LYPLA1: variants seen among roughly 807,000 people sequenced by gnomAD.
LYPLA1 encodes lysophospholipase 1, also known as acyl-protein thioesterase 1.
LYPLA1 carries 17 observed loss-of-function variants against 34.0 expected under a neutral mutation model. The observed-to-expected ratio is 0.50, with a 90% CI of 0.34 to 0.75. The LOEUF (loss-of-function observed/expected upper bound fraction) is 0.75, where lower values mean the gene tolerates loss of function less well. LYPLA1 is among the 30% of genes least tolerant of loss of function. LYPLA1 has a pLI of 0.01. For synonymous variants in LYPLA1, 98 were observed against 100.8 expected (o/e 0.97, Z 0.17); for missense variants, 203 against 288.8 (o/e 0.70, Z 2.15).
At chr8:54,053,073 A>C in intron 6 of LYPLA1, 1 of 258,030 alleles carries the variant, frequency 3.9e-6, no homozygotes, top group East Asian at 7.1e-5. Flanking sequence ...ATAAAATCCA[A>C]TCTGCTCTTA....
intron 2 of LYPLA1, among the ~76,000 whole-genome samples, chr8:54,099,962 G>A (rs911969222): frequency 2.6e-5 from 4 of 152,072 alleles, no homozygotes; most frequent in Non-Finnish European, 4.4e-5. Context: ...GGGATTACAG[G>A]TGTGAGCCAC....
intron 3 of LYPLA1, 66 bp downstream of exon 3, chr8:54,065,682 G>C: frequency 8.2e-7 from 1 of 1,225,614 alleles, no homozygotes; most frequent in Non-Finnish European, 1.2e-6. Context: ...TTCTGGAAGG[G>C]TAAAGCAATC....
Position 54,101,858 on chromosome 8 carries a change from G to A in LYPLA1, c.-35C>T. The A allele has an allele frequency of 8.2e-7, 1 of 1,216,952 alleles. No individual in the cohort carries two copies. The highest frequency in any genetic ancestry group is 1.0e-6 in the Non-Finnish European group (1 of 964,948). The allele number at this position is 1,216,952 out of a possible 1,614,324, so 75.4% of individuals were successfully genotyped here. A position where few individuals can be genotyped will look rare whatever the true frequency, so the allele number is the denominator to read the frequency against. On this transcript the variant is annotated 5_prime_UTR_variant, in exon 1 of 9. Coordinates refer to ENST00000316963, the MANE Select transcript of LYPLA1 (RefSeq NM_006330.4). ...CAGCTCACAGCGCAAGCGGAAGGAA[G>A]AGCGGGCGCCCGGCCGCGGCCCAAG...
intron 6 of LYPLA1, chr8:54,052,960 C>T: frequency 4.1e-6 from 2 of 490,474 alleles, no homozygotes; most frequent in Non-Finnish European, 7.4e-6. Flanking sequence ...ATACAGACTT[C>T]CTTTCCGACG....
At chr8:54,077,177 C>T (rs761140642) in intron 2 of LYPLA1, among the ~76,000 whole-genome samples, 1 of 151,948 alleles carries the variant, frequency 6.6e-6, no homozygotes, top group African/African-American at 2.4e-5. Context: ...AAGAATGAGA[C>T]CATGTACTTT....
chr8:54,056,410 C>T (rs557669839), intron 5 of LYPLA1, among the ~76,000 whole-genome samples: 11 of 152,270 alleles, frequency 7.2e-5, no homozygotes, highest in Admixed American at 2.6e-4. Flanking sequence ...AAATACCCCA[C>T]AAGCATATCA....
intron 2 of LYPLA1, among the ~76,000 whole-genome samples, chr8:54,069,246 T>C (rs1675750285): frequency 6.6e-6 from 1 of 152,170 alleles, no homozygotes; most frequent in African/African-American, 2.4e-5. Flanking sequence ...GAAGAAAGGG[T>C]GTTGAATGTT....
At chr8:54,098,614 G>A (rs1196214441) in intron 2 of LYPLA1, among the ~76,000 whole-genome samples, 1 of 152,226 alleles carries the variant, frequency 6.6e-6, no homozygotes, top group Admixed American at 6.5e-5. Flanking sequence ...CCGAGTGGCA[G>A]AGGTTGAAGG....
chr8:54,097,267 T>C (rs543148973), intron 2 of LYPLA1, among the ~76,000 whole-genome samples: 4 of 152,164 alleles, frequency 2.6e-5, no homozygotes, highest in East Asian at 1.9e-4. Context: ...GCGCAATGAA[T>C]AGGACATATT....
chr8:54,064,776 T>G (rs148805293), intron 3 of LYPLA1, among the ~76,000 whole-genome samples: 2 of 152,104 alleles, frequency 1.3e-5, no homozygotes, highest in Admixed American at 1.3e-4. Context: ...CTGGGCTACA[T>G]TGGAAGAAGA....
chr8:54,051,164 C>T lies in LYPLA1; in HGVS notation c.487G>A (p.Asp163Asn), dbSNP rs781349155. The change falls in exon 8 of 9, where the codon GAT becomes AAT. Residue 163 changes from aspartate to asparagine, a missense_variant. Asp to Asn is a conservative substitution (Grantham distance 23). Coordinates refer to ENST00000316963, the MANE Select transcript of LYPLA1 (RefSeq NM_006330.4). ...PQGPIGGANR[D>N]ISILQCHGDC... ...CCGTGGCACTGGAGAATAGAAATAT[C>T]TCTATTAGCACCACCGATAGGACCC... The T allele has an allele frequency of 6.2e-7, 1 of 1,613,562 alleles. No individual in the cohort carries two copies. Among genetic ancestry groups the T allele is most frequent in the Admixed American group, 1.7e-5 (1 of 59,940 alleles).
At chr8:54,076,742 G>A (rs1807937554) in intron 2 of LYPLA1, among the ~76,000 whole-genome samples, 1 of 152,198 alleles carries the variant, frequency 6.6e-6, no homozygotes, top group South Asian at 2.1e-4. Flanking sequence ...TGCTCCTGCT[G>A]CAGTTAACTA....
At chr8:54,060,689 C>CTTTTTTTTTTTTTTTTTTTTTTTTTTTT (rs761596145) in intron 5 of LYPLA1, among the ~76,000 whole-genome samples, 1 of 123,484 alleles carries the variant, frequency 8.1e-6, no homozygotes. Flanking sequence ...TTTTTTCTTC[C>CTTTTTTTTTTTTTTTTTTTTTTTTTTTT]TTTTTTTTTT....
chr8:54,081,019 T>C (rs1169828649), intron 2 of LYPLA1, among the ~76,000 whole-genome samples: 2 of 152,228 alleles, frequency 1.3e-5, no homozygotes, highest in African/African-American at 4.8e-5. Context: ...TATTAGACAT[T>C]TGCCAAAGAA....
chr8:54,079,623 C>T (rs1278109538), intron 2 of LYPLA1, among the ~76,000 whole-genome samples: 4 of 151,318 alleles, frequency 2.6e-5, no homozygotes, highest in African/African-American at 9.7e-5. Flanking sequence ...GGCAATGTGG[C>T]GAATCCCCCA....
intron 8 of LYPLA1, among the ~76,000 whole-genome samples, chr8:54,050,299 T>C (rs1323220764): frequency 6.6e-6 from 1 of 152,218 alleles, no homozygotes; most frequent in Non-Finnish European, 1.5e-5. Context: ...TCAGGCCCTT[T>C]TGATACTTCC....
intron 5 of LYPLA1, among the ~76,000 whole-genome samples, chr8:54,058,868 C>T (rs1806396970): frequency 6.6e-6 from 1 of 152,104 alleles, no homozygotes; most frequent in Non-Finnish European, 1.5e-5. Flanking sequence ...ATCCCTTGGC[C>T]TCAATCACCT....
chr8:54,077,293 A>C (rs1807980566), intron 2 of LYPLA1, among the ~76,000 whole-genome samples: 1 of 152,196 alleles, frequency 6.6e-6, no homozygotes, highest in South Asian at 2.1e-4. Context: ...CTAAATAACA[A>C]GAACACATGG....
chr8:54,052,331 A>G (rs929333003), intron 7 of LYPLA1, among the ~76,000 whole-genome samples: 2 of 152,290 alleles, frequency 1.3e-5, no homozygotes, highest in Non-Finnish European at 2.9e-5. Flanking sequence ...ATACATCACA[A>G]AAGTCTAAGA....
Sources: gnomAD v4.1 joint callset for allele counts (sites outside exome capture counted in the v4.1 genomes callset) on GRCh38, gnomAD v4.1.1 for gene constraint, MANE v1.5 for transcripts, NCBI Gene and HGNC (gene_info 2026-07-23, HGNC 2026-07-21) for gene names.